ERICH3: variants seen among roughly 807,000 people sequenced by gnomAD.
ERICH3 encodes the protein glutamate-rich protein 3.
In ERICH3, 126 loss-of-function variants were observed where a neutral mutation model predicts 131.1. The observed-to-expected ratio is 0.96, with a 90% CI of 0.83 to 1.11. The LOEUF (loss-of-function observed/expected upper bound fraction) is 1.11. Ranked by LOEUF, ERICH3 falls within the 50% of genes most tolerant of loss-of-function variation. The pLI is 0.00. For synonymous variants in ERICH3, 695 were observed against 644.6 expected, an observed-to-expected ratio of 1.08 and a Z score of -1.18; for missense variants, 2,050 against 1,810.7, an observed-to-expected ratio of 1.13 and a Z score of -2.40.
intron 1 of ERICH3, among the ~76,000 whole-genome samples, chr1:74,654,930 T>C (rs1646570908): frequency 6.6e-6 from 1 of 152,182 alleles, no homozygotes; most frequent in African/African-American, 2.4e-5. Context: ...AGTATAATGA[T>C]GGAAAAATGT....
chr1:74,659,770 A>G (rs921126637), intron 1 of ERICH3, among the ~76,000 whole-genome samples: 5 of 152,200 alleles, frequency 3.3e-5, no homozygotes, highest in Admixed American at 6.5e-5. Flanking sequence ...AGGGTATCCA[A>G]GAAGAACTGA....
At chr1:74,609,171 T>C (rs1343209210) in intron 9 of ERICH3, among the ~76,000 whole-genome samples, 1 of 152,072 alleles carries the variant, frequency 6.6e-6, no homozygotes, top group Non-Finnish European at 1.5e-5. Context: ...CTACGCCTCT[T>C]CAAACAGTTC....
chr1:74,640,760 T>A (rs1001968710), intron 5 of ERICH3, among the ~76,000 whole-genome samples: 12 of 152,148 alleles, frequency 7.9e-5, no homozygotes, highest in Non-Finnish European at 1.5e-4. Context: ...ATTATTTTTA[T>A]TTTAGAGTAT....
intron 6 of ERICH3, chr1:74,634,845 G>T (rs1324108709): frequency 1.7e-6 from 1 of 581,242 alleles, no homozygotes; most frequent in Non-Finnish European, 3.1e-6. Flanking sequence ...AGATGAGATG[G>T]GTGTATCAGG....
rs757366339 is a variant in ERICH3, at chr1:74,572,808, C to T, written c.2902G>A (p.Asp968Asn). Residue 968 changes from aspartate to asparagine, a missense_variant, in exon 14 of 15, where the codon GAC (aspartate) becomes AAC (asparagine). Transcript: ENST00000326665. Reference sequence around the variant, plus strand: ...CCAAGAATTGCCTCTTCAGAACCGTCCTCTCTCTTTGATGCTGTGTCCTCC... The same window carrying T: ...CCAAGAATTGCCTCTTCAGAACCGTTCTCTCTCTTTGATGCTGTGTCCTCC... ...PMEDTASKRE[D>N]GSEEAILGGE... The T allele has an allele frequency of 1.4e-5, 22 of 1,613,764 alleles. No individual in the cohort carries two copies. The highest frequency in any genetic ancestry group is 1.7e-5 in the Non-Finnish European group (20 of 1,180,016).
At position 74,571,962 on chromosome 1, in the gene ERICH3, A is replaced by G; in HGVS notation, c.3748T>C (p.Ser1250Pro). ...AEELAAKDHD[S>P]CAGLEGRAEG... ...GCTCTCCCCTCCAGTCCTGCGCAGG[A>G]GTCGTGATCTTTGGCTGCTAGCTCC... The change falls in exon 14 of 15, where the codon TCC becomes CCC. Residue 1250 changes from serine to proline, a missense_variant. Coordinates refer to ENST00000326665, the MANE Select transcript of ERICH3 (RefSeq NM_001002912.5). The G allele has an allele frequency of 6.2e-7, 1 of 1,613,822 alleles. No homozygotes were observed. The highest frequency in any genetic ancestry group is 8.5e-7 in the Non-Finnish European group (1 of 1,180,012).
At chr1:74,616,953 C>T (rs939688753) in intron 8 of ERICH3, among the ~76,000 whole-genome samples, 2 of 151,974 alleles carry the variant, frequency 1.3e-5, no homozygotes, top group Non-Finnish European at 2.9e-5. Context: ...GCCTGGAAAC[C>T]CACAAGAGAA....
At chr1:74,641,510 T>A (rs759936658) in intron 4 of ERICH3, 51 bp from the exon 5 acceptor site, 1 of 1,558,670 alleles carries the variant, frequency 6.4e-7, no homozygotes, top group Non-Finnish European at 8.8e-7. Context: ...GTAATCTAGG[T>A]TAGATTATGC....
chr1:74,646,550 T>C (rs1306071278), intron 3 of ERICH3, 117 bp downstream of exon 3: 1 of 618,064 alleles, frequency 1.6e-6, no homozygotes, highest in East Asian at 3.8e-5. Flanking sequence ...GCATTATTAA[T>C]TATCATATTA....
At chr1:74,671,652 C>T (rs1229038794) in intron 1 of ERICH3, among the ~76,000 whole-genome samples, 3 of 152,152 alleles carry the variant, frequency 2.0e-5, no homozygotes, top group African/African-American at 7.2e-5. Context: ...TAACTAAAAA[C>T]CAGCATGAGT....
chr1:74,591,177 G>A (rs1245409509), intron 11 of ERICH3, among the ~76,000 whole-genome samples: 1 of 152,126 alleles, frequency 6.6e-6, no homozygotes, highest in East Asian at 1.9e-4. Context: ...CTTATTTTGA[G>A]CTCTGCAGAA....
intron 9 of ERICH3, 139 bp from the exon 10 acceptor site, chr1:74,607,041 A>G: frequency 1.7e-6 from 1 of 586,438 alleles, no homozygotes; most frequent in Non-Finnish European, 2.7e-6. Context: ...ACACTAATAA[A>G]AATAAACAAT....
At chr1:74,646,643 T>A (rs767581347) in intron 3 of ERICH3, 24 bp downstream of exon 3, 2 of 1,163,116 alleles carry the variant, frequency 1.7e-6, no homozygotes, top group Admixed American at 3.5e-5. Context: ...TAAAATAAAA[T>A]AAAAAATAAG....
chr1:74,595,370 G>A (rs899491320), intron 11 of ERICH3, among the ~76,000 whole-genome samples: 1 of 151,988 alleles, frequency 6.6e-6, no homozygotes, highest in Non-Finnish European at 1.5e-5. Context: ...TTAGTCTTAA[G>A]AGGGAACATA....
intron 5 of ERICH3, 34 bp downstream of exon 5, chr1:74,641,297 G>A: frequency 5.6e-6 from 9 of 1,601,422 alleles, no homozygotes; most frequent in Non-Finnish European, 6.8e-6. Context: ...AATTAGCTGG[G>A]ATACTGCATG....
At chr1:74,647,541 G>A (rs1169119025) in intron 2 of ERICH3, among the ~76,000 whole-genome samples, 6 of 151,976 alleles carry the variant, frequency 3.9e-5, no homozygotes, top group African/African-American at 9.7e-5. Context: ...TCCTAGGAAC[G>A]GCCATTTTTG....
rs772432492 is a variant in ERICH3 at position 74,571,324 on chromosome 1, G to A, written c.4386C>T (p.Gly1462=). ...CTGCTCCTGTCTCCTGCCTCCCATC[G>A]CCACTCCCAGTGGCTGCCTCCTGGC... ...SEGQEAATGS[G]DGRQETGAAE... is the part of the protein sequence containing the mutation. The change falls in exon 14 of 15, where the codon GGC becomes GGT. Residue 1462 remains glycine (G), a synonymous_variant. Coordinates refer to ENST00000326665, the MANE Select transcript of ERICH3 (RefSeq NM_001002912.5). 1.1e-5 allele frequency: 17 copies of A among 1,613,520 alleles called. No individual in the cohort carries two copies. Among genetic ancestry groups the A allele is most frequent in the Admixed American group, 3.3e-5 (2 of 59,956 alleles).
intron 6 of ERICH3, among the ~76,000 whole-genome samples, chr1:74,633,393 A>C (rs1189662795): frequency 6.6e-6 from 1 of 151,888 alleles, no homozygotes; most frequent in East Asian, 1.9e-4. Context: ...TTATATTGTA[A>C]TAAAAAATAA....
intron 4 of ERICH3, 60 bp downstream of exon 4, chr1:74,642,967 G>T (rs1169338904): frequency 1.5e-6 from 2 of 1,299,392 alleles, no homozygotes; most frequent in Non-Finnish European, 1.1e-6. Context: ...TAGTTTCACT[G>T]TTTTTTTTAA....
Sources: allele counts gnomAD v4.1 joint callset (sites outside exome capture counted in the v4.1 genomes callset), GRCh38; gene constraint gnomAD v4.1.1; transcripts MANE v1.5; gene names NCBI Gene and HGNC (gene_info 2026-07-23, HGNC 2026-07-21).